Variants in PAFAH2 observed in about 807,000 individuals in gnomAD.
PAFAH2 encodes platelet-activating factor acetylhydrolase 2, cytoplasmic.
Under a neutral mutation model 49.0 loss-of-function variants are expected in PAFAH2, and 42 were observed. The ratio of observed to expected loss-of-function variants is 0.86; its 90% CI spans 0.67 to 1.11. PAFAH2 has a LOEUF of 1.11. Ranked by LOEUF, PAFAH2 falls within the 50% of genes least tolerant of loss-of-function variation. The probability of loss-of-function intolerance (pLI) is 0.00; values close to 1 mark genes in which losing one functional copy is unlikely to be tolerated. For missense variants in PAFAH2, 503 were observed against 501.8 expected (o/e 1.00, Z -0.02); for synonymous variants, 184 against 181.3 (o/e 1.01, Z -0.12).
At chr1:25,969,129 C>A (rs2049470202) in intron 10 of PAFAH2, among the ~76,000 whole-genome samples, 5 of 152,198 alleles carry the variant, frequency 3.3e-5, no homozygotes, top group Admixed American at 3.3e-4. Context: ...GCCCACTTCT[C>A]TATCTTTGCC....
At chr1:25,978,562 T>C (rs542774569) in intron 7 of PAFAH2, among the ~76,000 whole-genome samples, 2 of 152,328 alleles carry the variant, frequency 1.3e-5, no homozygotes, top group African/African-American at 4.8e-5. Context: ...AGCAGTTAGA[T>C]AAGGACTTGT....
intron 10 of PAFAH2, 140 bp from the exon 11 acceptor site, chr1:25,962,223 G>A: frequency 1.6e-6 from 1 of 615,908 alleles, no homozygotes. Context: ...GGGTTGTGTG[G>A]TGGTGGCGGT....
At chr1:25,982,808 C>T (rs1209724337) in intron 6 of PAFAH2, among the ~76,000 whole-genome samples, 1 of 152,146 alleles carries the variant, frequency 6.6e-6, no homozygotes, top group Non-Finnish European at 1.5e-5. Context: ...TACTGGATTC[C>T]ACTGCCCATT....
At chr1:25,981,837 A>G (rs1421744865) in intron 7 of PAFAH2, among the ~76,000 whole-genome samples, 2 of 152,186 alleles carry the variant, frequency 1.3e-5, no homozygotes, top group African/African-American at 2.4e-5. Context: ...CCTGGCCAAC[A>G]TGGTGAAACC....
intron 4 of PAFAH2, among the ~76,000 whole-genome samples, chr1:25,987,824 G>C (rs1483597651): frequency 2.6e-5 from 4 of 152,070 alleles, no homozygotes; most frequent in African/African-American, 9.7e-5. Flanking sequence ...GCTGCAGTGA[G>C]CTGTGATCAC....
chr1:25,995,941 T>G (rs2049930758), intron 1 of PAFAH2, among the ~76,000 whole-genome samples: 1 of 152,214 alleles, frequency 6.6e-6, no homozygotes, highest in African/African-American at 2.4e-5. Context: ...TAAGGCTATA[T>G]GAAATAATGG....
chr1:25,977,250 C>T (rs1474803735), intron 7 of PAFAH2, among the ~76,000 whole-genome samples: 22 of 151,070 alleles, frequency 1.5e-4, no homozygotes, highest in African/African-American at 4.6e-4. Flanking sequence ...CCGCCCGCCT[C>T]GGCCTCCCAA....
At position 25,982,447 on chromosome 1, in the gene PAFAH2, C is replaced by T. The variant is rs1472814416; in HGVS notation, c.583G>A (p.Val195Met). ...GTGACCTCTTGCAGGATCTTCAACACCCGTAAACACTCGCTTACCCGCTGA... is the reference window on the plus strand; with the variant it reads ...GTGACCTCTTGCAGGATCTTCAACATCCGTAAACACTCGCTTACCCGCTGA... Reference protein sequence around the residue: ...VHQRVSECLRVLKILQEVTAG... With the variant: ...VHQRVSECLRMLKILQEVTAG... The change falls in exon 7 of 11, where the codon GTG (valine) becomes ATG (methionine). Residue 195 changes from valine (V) to methionine (M), a missense_variant. By Grantham distance (21) the Val-to-Met change is conservative. Transcript: ENST00000374282. 30 of 1,614,020 alleles carry T rather than the reference C, an allele frequency of 1.9e-5. No individual in the cohort carries two copies. The highest frequency in any genetic ancestry group is 2.5e-5 in the Non-Finnish European group (30 of 1,179,998).
At chr1:25,966,874 A>C (rs2049431558) in intron 10 of PAFAH2, among the ~76,000 whole-genome samples, 1 of 152,042 alleles carries the variant, frequency 6.6e-6, no homozygotes, top group African/African-American at 2.4e-5. Context: ...TACTAAAAAT[A>C]CAAAAAAATT....
intron 10 of PAFAH2, among the ~76,000 whole-genome samples, chr1:25,965,569 A>G (rs1372657205): frequency 6.6e-6 from 1 of 152,196 alleles, no homozygotes; most frequent in Non-Finnish European, 1.5e-5. Context: ...TAACGCCAGC[A>G]CTTTGGGAGG....
chr1:25,960,474 C>T lies in PAFAH2; in HGVS notation c.*1515G>A, dbSNP rs2049323898. ...CACATGGGCCCAAGTAGTAAGCGAACACAGAAGAAAGACAGAAGGAAGTCA... is the reference window on the plus strand; with the variant it reads ...CACATGGGCCCAAGTAGTAAGCGAATACAGAAGAAAGACAGAAGGAAGTCA... On this transcript the variant is annotated 3_prime_UTR_variant, in exon 11 of 11. Transcript: ENST00000374282. The T allele has an allele frequency of 6.6e-6, 1 of 152,618 alleles. No homozygotes were observed. The highest frequency in any genetic ancestry group is 2.4e-5 in the African/African-American group (1 of 41,452). 9.5% of individuals were successfully genotyped at this position (152,618 alleles called of 1,614,324 possible).
At chr1:25,981,887 G>A (rs956835230) in intron 7 of PAFAH2, among the ~76,000 whole-genome samples, 1 of 152,234 alleles carries the variant, frequency 6.6e-6, no homozygotes, top group African/African-American at 2.4e-5. Flanking sequence ...CAGGCACAGT[G>A]GCAGGCGCCT....
intron 7 of PAFAH2, among the ~76,000 whole-genome samples, chr1:25,978,554 C>A (rs1025833177): frequency 6.6e-6 from 1 of 152,176 alleles, no homozygotes; most frequent in Non-Finnish European, 1.5e-5. Context: ...TGTTTCCCAG[C>A]AGTTAGATAA....
chr1:25,992,012 C>A (rs1179226822), intron 1 of PAFAH2, among the ~76,000 whole-genome samples: 1 of 152,212 alleles, frequency 6.6e-6, no homozygotes, highest in African/African-American at 2.4e-5. Context: ...AATCCGGAAG[C>A]TAAGTTCTTA....
chr1:25,990,759 A>T lies in PAFAH2; in HGVS notation c.58T>A (p.Cys20Ser), dbSNP rs1294336219. Residue 20 changes from cysteine (C) to serine (S), a missense_variant, in exon 2 of 11, where the codon TGT (cysteine) becomes AGT (serine). By Grantham distance (112) the Cys-to-Ser change is moderately radical. Coordinates refer to ENST00000374282, the MANE Select transcript of PAFAH2 (RefSeq NM_000437.4). The stretch of plus-strand genomic sequence containing the variant: ...TTCTGACCCTCCATCACATCCCCAC[A>T]GCCTACGAGGTGGGGTCCTGTGACA... ...PPVTGPHLVG[C>S]GDVMEGQNLQ... The T allele has an allele frequency of 6.2e-7, 1 of 1,613,838 alleles. No homozygotes were observed. The highest frequency in any genetic ancestry group is 1.3e-5 in the African/African-American group (1 of 74,894).
At chr1:25,963,432 A>C (rs1172192216) in intron 10 of PAFAH2, among the ~76,000 whole-genome samples, 1 of 152,160 alleles carries the variant, frequency 6.6e-6, no homozygotes, top group African/African-American at 2.4e-5. Flanking sequence ...AAAAAAATAG[A>C]GCCCGTTAAG....
chr1:25,960,269 C>A lies in PAFAH2; in HGVS notation c.*1720G>T, dbSNP rs1572332599. 6.6e-6 allele frequency: 1 copy of A among 152,484 alleles called. No homozygotes were observed. Among genetic ancestry groups the A allele is most frequent in the South Asian group, 2.1e-4 (1 of 4,824 alleles). The allele number at this position is 152,484 out of a possible 1,614,324, so 9.4% of individuals were successfully genotyped here. On this transcript the variant is annotated 3_prime_UTR_variant, in exon 11 of 11. Coordinates refer to ENST00000374282, the MANE Select transcript of PAFAH2 (RefSeq NM_000437.4). ...CTGACAGGTGGAGATCTAGGCCCAG[C>A]TTGCTCTGGTGGCCCTGACCATGGG... is the stretch of plus-strand genomic sequence containing the variant.
chr1:25,973,709 G>A (rs2049543890), intron 9 of PAFAH2, among the ~76,000 whole-genome samples: 1 of 152,166 alleles, frequency 6.6e-6, no homozygotes, highest in Non-Finnish European at 1.5e-5. Context: ...AGTGCTCGAG[G>A]GCTCTGGATT....
intron 7 of PAFAH2, among the ~76,000 whole-genome samples, chr1:25,981,464 C>T (rs540701216): frequency 6.6e-6 from 1 of 152,176 alleles, no homozygotes; most frequent in Admixed American, 6.5e-5. Flanking sequence ...CGGGAGGGTT[C>T]TTGGGATTCC....
Sources: gnomAD v4.1 joint callset for allele counts (sites outside exome capture counted in the v4.1 genomes callset) on GRCh38, gnomAD v4.1.1 for gene constraint, MANE v1.5 for transcripts, NCBI Gene and HGNC (gene_info 2026-07-23, HGNC 2026-07-21) for gene names.